SLC35F4: variants seen among roughly 807,000 people sequenced by gnomAD.
SLC35F4 encodes chromosome 14 open reading frame 36.
SLC35F4 carries 24 observed loss-of-function variants against 44.2 expected under a neutral mutation model. The ratio of observed to expected loss-of-function variants is 0.54; its 90% CI spans 0.39 to 0.76. The LOEUF (loss-of-function observed/expected upper bound fraction) is 0.76, where lower values mean the gene tolerates loss of function less well. Among genes scored for constraint, SLC35F4 ranks in the 30% least tolerant of loss-of-function variants. The pLI is 0.00. For missense variants in SLC35F4, 562 were observed against 586.1 expected (o/e 0.96, Z 0.42); for synonymous variants, 238 against 223.6 (o/e 1.06, Z -0.57).
At chr14:57,910,095 T>G (rs147029632) in intron 1 of SLC35F4, among the ~76,000 whole-genome samples, 1 of 152,174 alleles carries the variant, frequency 6.6e-6, no homozygotes, top group Non-Finnish European at 1.5e-5. Flanking sequence ...TCTGTATGTC[T>G]TCTTTGGTGA....
At chr14:57,651,381 G>A (rs897885752) in intron 1 of SLC35F4, among the ~76,000 whole-genome samples, 18 of 152,098 alleles carry the variant, frequency 1.2e-4, no homozygotes, top group Non-Finnish European at 8.8e-5. Flanking sequence ...GGAGTGAAGT[G>A]GGTCGGTGGT....
At chr14:57,683,472 T>C (rs933969083) in intron 1 of SLC35F4, among the ~76,000 whole-genome samples, 7 of 152,274 alleles carry the variant, frequency 4.6e-5, no homozygotes, top group African/African-American at 1.4e-4. Flanking sequence ...CCTTCAATCA[T>C]AGCAGCTCTG....
At chr14:57,629,576 A>G (rs1332045831) in intron 1 of SLC35F4, among the ~76,000 whole-genome samples, 4 of 152,134 alleles carry the variant, frequency 2.6e-5, no homozygotes, top group Non-Finnish European at 5.9e-5. Flanking sequence ...TTGATGAAGG[A>G]TGATTTAGTT....
intron 4 of SLC35F4, among the ~76,000 whole-genome samples, chr14:57,574,654 T>C (rs144399809): frequency 6.6e-6 from 1 of 152,326 alleles, no homozygotes; most frequent in East Asian, 1.9e-4. Context: ...TTTTAAGAAA[T>C]TTTAAATATA....
intron 1 of SLC35F4, among the ~76,000 whole-genome samples, chr14:57,752,071 C>T (rs1307667779): frequency 2.6e-5 from 4 of 152,140 alleles, no homozygotes; most frequent in African/African-American, 9.7e-5. Flanking sequence ...GCTCGTCTCT[C>T]TCCTCACATG....
intron 1 of SLC35F4, among the ~76,000 whole-genome samples, chr14:57,932,585 A>C (rs1270039543): frequency 6.6e-6 from 1 of 152,146 alleles, no homozygotes; most frequent in Non-Finnish European, 1.5e-5. Flanking sequence ...GTGGTGTCTC[A>C]CACCTGTAAT....
chr14:57,700,077 G>A (rs2140362155), intron 1 of SLC35F4, among the ~76,000 whole-genome samples: 1 of 152,242 alleles, frequency 6.6e-6, no homozygotes, highest in South Asian at 2.1e-4. Flanking sequence ...TAATGATGAG[G>A]ATACTTTCTA....
intron 1 of SLC35F4, among the ~76,000 whole-genome samples, chr14:57,625,610 C>T (rs572023938): frequency 9.9e-5 from 15 of 152,190 alleles, no homozygotes; most frequent in Non-Finnish European, 1.9e-4. Flanking sequence ...GACATATAGA[C>T]CAATGGAACA....
chr14:57,941,726 G>A (rs1889919765), intron 1 of SLC35F4, among the ~76,000 whole-genome samples: 2 of 151,980 alleles, frequency 1.3e-5, no homozygotes, highest in Non-Finnish European at 2.9e-5. Context: ...AAAAGCTTAT[G>A]ACCATTAAAA....
At chr14:57,702,886 T>C (rs530507819) in intron 1 of SLC35F4, among the ~76,000 whole-genome samples, 1 of 152,296 alleles carries the variant, frequency 6.6e-6, no homozygotes, top group South Asian at 2.1e-4. Context: ...ACAGTGGCCA[T>C]AATCAACGAG....
intron 1 of SLC35F4, among the ~76,000 whole-genome samples, chr14:57,605,879 A>G (rs1443620339): frequency 6.6e-6 from 1 of 152,222 alleles, no homozygotes; most frequent in Non-Finnish European, 1.5e-5. Context: ...CAAATACCAC[A>G]TGTTCTCACT....
At chr14:57,723,656 A>G (rs904550320) in intron 1 of SLC35F4, among the ~76,000 whole-genome samples, 5 of 152,236 alleles carry the variant, frequency 3.3e-5, no homozygotes, top group Non-Finnish European at 5.9e-5. Context: ...TCCTGTCCAT[A>G]AGGCCCACCG....
At chr14:57,705,966 A>T (rs573926993) in intron 1 of SLC35F4, among the ~76,000 whole-genome samples, 2 of 152,208 alleles carry the variant, frequency 1.3e-5, no homozygotes, top group African/African-American at 4.8e-5. Context: ...CTAGTGCTCC[A>T]CTCAATCCTG....
chr14:57,744,100 GCAAACCCACAGC>G (rs2076693708), intron 1 of SLC35F4, among the ~76,000 whole-genome samples: 1 of 152,000 alleles, frequency 6.6e-6, no homozygotes. Context: ...GCTATTTATG[GCAAACCCACAGC>G]CAATATCATA....
chr14:57,732,018 T>C (rs77615891), intron 1 of SLC35F4, among the ~76,000 whole-genome samples: 1,764 of 152,282 alleles, frequency 0.012, 34 homozygotes, highest in African/African-American at 0.039. Flanking sequence ...GAGGAAGCAA[T>C]ACACATAGTC....
chr14:57,685,498 C>G (rs1019114195), intron 1 of SLC35F4, among the ~76,000 whole-genome samples: 2 of 152,128 alleles, frequency 1.3e-5, no homozygotes, highest in Admixed American at 1.3e-4. Flanking sequence ...AGGTGATATT[C>G]CCCAAGAGGC....
chr14:57,705,675 T>C (rs1247798466), intron 1 of SLC35F4, among the ~76,000 whole-genome samples: 4 of 152,172 alleles, frequency 2.6e-5, no homozygotes, highest in Admixed American at 2.0e-4. Context: ...TTGAGACCAA[T>C]GGATGATGTC....
intron 1 of SLC35F4, among the ~76,000 whole-genome samples, chr14:57,661,240 G>T (rs898621417): frequency 3.9e-5 from 6 of 152,242 alleles, no homozygotes; most frequent in Non-Finnish European, 5.9e-5. Context: ...ATCAAGAGTT[G>T]TGGGGCACAC....
intron 1 of SLC35F4, among the ~76,000 whole-genome samples, chr14:57,672,117 C>T (rs2074541273): frequency 6.6e-6 from 1 of 152,068 alleles, no homozygotes; most frequent in Non-Finnish European, 1.5e-5. Context: ...TTACTTTACC[C>T]ATAGAACATA....
Sources: allele counts gnomAD v4.1 joint callset (sites outside exome capture counted in the v4.1 genomes callset), GRCh38; gene constraint gnomAD v4.1.1; transcripts MANE v1.5; gene names NCBI Gene and HGNC (gene_info 2026-07-23, HGNC 2026-07-21).